ANTXR2: variants seen among roughly 807,000 people sequenced by gnomAD.
ANTXR2 encodes the protein anthrax toxin receptor 2.
Under a neutral mutation model 73.7 loss-of-function variants are expected in ANTXR2, and 44 were observed. The observed-to-expected ratio is 0.60, with a 90% CI of 0.47 to 0.77. The LOEUF (loss-of-function observed/expected upper bound fraction) is 0.77, where lower values mean the gene tolerates loss of function less well. Among genes scored for constraint, ANTXR2 ranks in the 30% least tolerant of loss-of-function variants. The pLI, the probability that ANTXR2 is intolerant of heterozygous loss-of-function variation, is 0.00. For synonymous variants in ANTXR2, 217 were observed against 205.9 expected (o/e 1.05, Z -0.46); for missense variants, 604 against 592.5 (o/e 1.02, Z -0.20).
At chr4:80,069,062 A>G (rs564059543) in intron 3 of ANTXR2, among the ~76,000 whole-genome samples, 18 of 152,286 alleles carry the variant, frequency 1.2e-4, no homozygotes, top group African/African-American at 3.6e-4. Flanking sequence ...AAATTATCCA[A>G]AAGGATCCAT....
chr4:80,029,629 T>C (rs1467992244), intron 10 of ANTXR2, among the ~76,000 whole-genome samples: 1 of 151,702 alleles, frequency 6.6e-6, no homozygotes, highest in Admixed American at 6.6e-5. Context: ...ACAATTGGCT[T>C]TGGAGAAAAA....
At chr4:80,012,667 T>A (rs1430976978) in intron 11 of ANTXR2, among the ~76,000 whole-genome samples, 1 of 152,140 alleles carries the variant, frequency 6.6e-6, no homozygotes, top group East Asian at 1.9e-4. Flanking sequence ...AGACGTGGGT[T>A]CAATTCTGAA....
At chr4:79,958,019 G>A (rs1343459059) in intron 16 of ANTXR2, among the ~76,000 whole-genome samples, 1 of 151,882 alleles carries the variant, frequency 6.6e-6, no homozygotes, top group Non-Finnish European at 1.5e-5. Flanking sequence ...CCTATTGCCT[G>A]CAAATTATTA....
chr4:80,031,555 A>G (rs986653130), intron 10 of ANTXR2, 68 bp downstream of exon 10: 4 of 1,178,516 alleles, frequency 3.4e-6, no homozygotes, highest in African/African-American at 1.6e-5. Context: ...TGACCAATGT[A>G]TATGTCACCA....
intron 16 of ANTXR2, among the ~76,000 whole-genome samples, chr4:79,963,497 T>C: frequency 6.6e-6 from 1 of 152,126 alleles, no homozygotes; most frequent in East Asian, 1.9e-4. Context: ...CTGACAAAAG[T>C]CCTCTCAATA....
intron 16 of ANTXR2, among the ~76,000 whole-genome samples, chr4:79,953,912 C>T (rs1728797719): frequency 6.6e-6 from 1 of 152,024 alleles, no homozygotes; most frequent in Non-Finnish European, 1.5e-5. Context: ...ACTAGTACTT[C>T]TCATTTATAT....
At chr4:79,993,161 A>C (rs112498881) in intron 12 of ANTXR2, among the ~76,000 whole-genome samples, 8 of 152,146 alleles carry the variant, frequency 5.3e-5, no homozygotes, top group African/African-American at 1.7e-4. Context: ...ATTTAATAGA[A>C]TGTCTAGCAC....
chr4:79,954,505 G>T (rs1705672009), intron 16 of ANTXR2, among the ~76,000 whole-genome samples: 1 of 152,084 alleles, frequency 6.6e-6, no homozygotes, highest in Admixed American at 6.6e-5. Context: ...AGCTACTCAG[G>T]AGGCTAAAGT....
intron 12 of ANTXR2, among the ~76,000 whole-genome samples, chr4:79,999,344 C>G (rs1427087367): frequency 6.6e-6 from 1 of 151,992 alleles, no homozygotes; most frequent in Non-Finnish European, 1.5e-5. Context: ...CCTCCTCTTA[C>G]TAGGCCTCTC....
chr4:80,070,119 A>G (rs1179245830), intron 2 of ANTXR2, among the ~76,000 whole-genome samples: 2 of 152,226 alleles, frequency 1.3e-5, no homozygotes, highest in Non-Finnish European at 2.9e-5. Context: ...TCTCTCACAG[A>G]ACGGTTCTTG....
intron 12 of ANTXR2, among the ~76,000 whole-genome samples, chr4:79,991,966 A>G (rs942861406): frequency 2.0e-5 from 3 of 151,498 alleles, no homozygotes; most frequent in African/African-American, 7.3e-5. Context: ...TGAAGTGAGA[A>G]CCCGGTAGAA....
intron 10 of ANTXR2, 50 bp from the exon 11 acceptor site, chr4:80,019,026 G>GT (rs1732017173): frequency 1.6e-6 from 2 of 1,243,292 alleles, no homozygotes; most frequent in African/African-American, 3.2e-5. Flanking sequence ...AACCAGAGGA[G>GT]TAGGAGATTT....
intron 16 of ANTXR2, among the ~76,000 whole-genome samples, chr4:79,935,394 G>A (rs532847596): frequency 1.5e-5 from 2 of 136,872 alleles, no homozygotes; most frequent in African/African-American, 5.5e-5. Context: ...ATTATTTAAA[G>A]CCTGTGGGGG....
chr4:80,054,213 T>C, intron 7 of ANTXR2, 59 bp downstream of exon 7: 1 of 1,352,932 alleles, frequency 7.4e-7, no homozygotes, highest in Non-Finnish European at 1.0e-6. Context: ...GATTACTTCT[T>C]ATAGATTAAA....
At chr4:79,920,642 A>T (rs568689232) in intron 16 of ANTXR2, among the ~76,000 whole-genome samples, 1 of 152,136 alleles carries the variant, frequency 6.6e-6, no homozygotes, top group Non-Finnish European at 1.5e-5. Flanking sequence ...AGGCAGACAG[A>T]TAATGTGGCA....
rs1726766276 is a variant in ANTXR2 at position 79,902,980 on chromosome 4, T to C, written c.*4449A>G. ...GTCTGAGCAACATAGCGAAACCCCA[T>C]TTCTACAAAAATACAAGAGTTAGCT... On this transcript the variant is annotated 3_prime_UTR_variant, in exon 17 of 17. Transcript: ENST00000403729. 6.6e-6 allele frequency: 1 copy of C among 151,868 alleles called. No individual in the cohort carries two copies. Among genetic ancestry groups the C allele is most frequent in the South Asian group, 2.1e-4 (1 of 4,818 alleles). The allele number at this position is 151,868 out of a possible 1,614,324, so 9.4% of individuals were successfully genotyped here. A position where few individuals can be genotyped will look rare whatever the true frequency, so the allele number is the denominator to read the frequency against.
At chr4:79,932,610 G>C (rs551833137) in intron 16 of ANTXR2, among the ~76,000 whole-genome samples, 14 of 151,804 alleles carry the variant, frequency 9.2e-5, no homozygotes, top group Non-Finnish European at 1.9e-4. Flanking sequence ...TCGTCAACAT[G>C]GTGAAACCCC....
chr4:79,928,140 A>G (rs1727896319), intron 16 of ANTXR2, among the ~76,000 whole-genome samples: 1 of 152,222 alleles, frequency 6.6e-6, no homozygotes, highest in Non-Finnish European at 1.5e-5. Flanking sequence ...AATAGATAAA[A>G]TGTGTCATAT....
At chr4:80,012,552 C>T (rs1273817350) in intron 11 of ANTXR2, among the ~76,000 whole-genome samples, 2 of 152,074 alleles carry the variant, frequency 1.3e-5, no homozygotes, top group Non-Finnish European at 2.9e-5. Context: ...TACTATTTGG[C>T]CTTCTACAGG....
Sources: gnomAD v4.1 joint callset for allele counts (sites outside exome capture counted in the v4.1 genomes callset) on GRCh38, gnomAD v4.1.1 for gene constraint, MANE v1.5 for transcripts, NCBI Gene and HGNC (gene_info 2026-07-23, HGNC 2026-07-21) for gene names.